The following UVRAG variants were observed in gnomAD, a reference collection of about 807,000 sequenced individuals.
UVRAG encodes UV radiation resistance associated, also known as UV radiation resistance-associated gene protein.
A neutral mutation model predicts 78.0 loss-of-function variants in UVRAG; 19 were observed. That is an observed-to-expected ratio of 0.24 (90% CI 0.17 to 0.36). The LOEUF (loss-of-function observed/expected upper bound fraction) is 0.36, where lower values mean the gene tolerates loss of function less well. Ranked by LOEUF, UVRAG falls within the 10% of genes least tolerant of loss-of-function variation. UVRAG has a pLI of 1.00. For missense variants in UVRAG, 740 were observed against 853.8 expected (o/e 0.87, Z 1.66); for synonymous variants, 323 against 324.6 (o/e 1.00, Z 0.05).
At chr11:76,137,741 A>G (rs1565176225) in intron 14 of UVRAG, 1 of 310,042 alleles carries the variant, frequency 3.2e-6, no homozygotes, top group Non-Finnish European at 6.3e-6. Context: ...TCTAAAAAAA[A>G]ATTAAAAATA....
rs148924228 is a variant in UVRAG at position 75,973,824 on chromosome 11, C to A, written c.700-9563C>A. ...TGAGGTGTTTGGTTTTCTGTCCTTG[C>A]GATAGTTTGCTCAGAATGATGGTTT... On this transcript the variant is annotated intron_variant, in intron 7 of 14. Coordinates refer to ENST00000356136, the MANE Select transcript of UVRAG (RefSeq NM_003369.4). Among the ~76,000 whole-genome samples the A allele has an allele frequency of 1.4e-4, 21 of 152,272 alleles. No homozygotes were observed. The East Asian group carries it at 1.7e-3, about 13-fold the overall frequency.
chr11:76,114,366 C>T (rs1230346471), intron 13 of UVRAG, among the ~76,000 whole-genome samples: 2 of 152,124 alleles, frequency 1.3e-5, no homozygotes, highest in Non-Finnish European at 2.9e-5. Flanking sequence ...CTTCTGCTTT[C>T]TCAAGTATTG....
chr11:76,054,589 T>TC (rs1469265106), intron 12 of UVRAG, among the ~76,000 whole-genome samples: 2 of 152,238 alleles, frequency 1.3e-5, no homozygotes, highest in African/African-American at 4.8e-5. Flanking sequence ...TGCCTTCACT[T>TC]CCTTGAATGT....
At chr11:76,107,977 C>CCGAAATTTGACTA (rs1186647198) in intron 13 of UVRAG, among the ~76,000 whole-genome samples, 2 of 152,188 alleles carry the variant, frequency 1.3e-5, no homozygotes, top group African/African-American at 4.8e-5. Flanking sequence ...TTCCTCCACA[C>CCGAAATTTGACTA]CATTTCTTTG....
intron 13 of UVRAG, among the ~76,000 whole-genome samples, chr11:76,106,960 G>C (rs1951983510): frequency 6.6e-6 from 1 of 151,998 alleles, no homozygotes; most frequent in Admixed American, 6.6e-5. Context: ...GATTGCAGTT[G>C]CATCCAAGGT....
chr11:75,947,584 G>A (rs1591050761), intron 6 of UVRAG, among the ~76,000 whole-genome samples: 1 of 152,166 alleles, frequency 6.6e-6, no homozygotes, highest in Non-Finnish European at 1.5e-5. Flanking sequence ...TAAATAATGT[G>A]TCTGTGAAAA....
chr11:75,908,872 G>A (rs1480400908), intron 5 of UVRAG, among the ~76,000 whole-genome samples: 1 of 151,722 alleles, frequency 6.6e-6, no homozygotes, highest in Admixed American at 6.6e-5. Flanking sequence ...AGTCATTTTG[G>A]TAGTTTGGTA....
At chr11:76,010,736 A>G (rs148093367) in intron 11 of UVRAG, among the ~76,000 whole-genome samples, 334 of 152,320 alleles carry the variant, frequency 2.2e-3, no homozygotes, top group African/African-American at 7.6e-3. Context: ...CTCAATAAAT[A>G]TAATTGGAAT....
rs961931083 is a variant in UVRAG at position 75,815,217 on chromosome 11, T to A, written c.-191T>A. 2.3e-6 allele frequency: 1 copy of A among 432,964 alleles called. No homozygotes were observed. The highest frequency in any genetic ancestry group is 2.1e-5 in the African/African-American group (1 of 48,562). The allele number at this position is 432,964 out of a possible 1,614,324, so 26.8% of individuals were successfully genotyped here. A position where few individuals can be genotyped will look rare whatever the true frequency, so the allele number is the denominator to read the frequency against. ...GTGGAGGGGTTGCACTGCGGTAATA[T>A]GGCTCTTCCTTAGCCAGCGGCGGCA... is the stretch of plus-strand genomic sequence containing the variant. On this transcript the variant is annotated 5_prime_UTR_variant, in exon 1 of 15. It removes an upstream start codon present in the reference 5' UTR. Coordinates refer to ENST00000356136, the MANE Select transcript of UVRAG (RefSeq NM_003369.4).
In UVRAG at chr11:76,115,872, G is replaced by A. The variant is rs763422078; in HGVS notation, c.1306-52G>A. 4.1e-5 allele frequency: 64 copies of A among 1,551,716 alleles called. 1 individual carries two copies. In the South Asian group the frequency reaches 5.3e-4, roughly 13 times the overall value. ...AACTTGTTTAGTGGTTCATTTTTCC[G>A]AAGCTTATAATCTGCCAAAATATCT... is the stretch of plus-strand genomic sequence containing the variant. On this transcript the variant is annotated intron_variant, in intron 13 of 14. Transcript: ENST00000356136.
intron 6 of UVRAG, among the ~76,000 whole-genome samples, chr11:75,953,031 G>A (rs781514667): frequency 6.6e-5 from 10 of 151,962 alleles, no homozygotes; most frequent in Non-Finnish European, 1.5e-4. Context: ...GAATTTATTG[G>A]CATACAGTTG....
chr11:75,829,291 A>T (rs1338573095), intron 1 of UVRAG, among the ~76,000 whole-genome samples: 1 of 152,172 alleles, frequency 6.6e-6, no homozygotes, highest in Non-Finnish European at 1.5e-5. Context: ...AATATTATAC[A>T]ACTACCCAAA....
chr11:75,930,934 T>TCTTTCTTTCTTG lies in UVRAG; in HGVS notation c.593+18906_593+18907insGCTTTCTTTCTT, dbSNP rs1491343065. On this transcript the variant is annotated intron_variant, in intron 6 of 14. Coordinates refer to ENST00000356136, the MANE Select transcript of UVRAG (RefSeq NM_003369.4). ...AAAGGTAAAGTGTCGGGATTTTCTT[T>TCTTTCTTTCTTG]CTTTCTTTCTTTCTTTCTTTCTTTC... 6 of 131,246 alleles carry TCTTTCTTTCTTG rather than the reference T, an allele frequency of 4.6e-5. 1 individual carries two copies. The highest frequency in any genetic ancestry group is 1.9e-4 in the African/African-American group (6 of 31,508). The allele number at this position is 131,246 out of a possible 1,614,324, so 8.1% of individuals were successfully genotyped here. A position where few individuals can be genotyped will look rare whatever the true frequency, so the allele number is the denominator to read the frequency against.
chr11:75,902,410 G>A (rs2134992194), intron 5 of UVRAG, among the ~76,000 whole-genome samples: 1 of 152,300 alleles, frequency 6.6e-6, no homozygotes, highest in African/African-American at 2.4e-5. Flanking sequence ...AAAATCTAAT[G>A]CCCACGCTGA....
chr11:75,906,115 C>T (rs1250098680), intron 5 of UVRAG, among the ~76,000 whole-genome samples: 1 of 152,114 alleles, frequency 6.6e-6, no homozygotes, highest in African/African-American at 2.4e-5. Context: ...GTCAGATATA[C>T]AATTTGTAAA....
chr11:76,012,914 T>C (rs1290945883), intron 11 of UVRAG: 1 of 151,948 alleles, frequency 6.6e-6, no homozygotes, highest in Non-Finnish European at 1.5e-5. Context: ...TGTGTCTGTA[T>C]CCCTTTATGC....
chr11:75,923,332 T>C (rs1320259334), intron 6 of UVRAG, among the ~76,000 whole-genome samples: 1 of 152,150 alleles, frequency 6.6e-6, no homozygotes, highest in Non-Finnish European at 1.5e-5. Context: ...TAAGCAAGAT[T>C]AGTTTTTAGC....
intron 6 of UVRAG, among the ~76,000 whole-genome samples, chr11:75,928,662 G>A (rs1242197498): frequency 5.3e-5 from 8 of 151,852 alleles, no homozygotes; most frequent in South Asian, 2.1e-4. Flanking sequence ...AAGCTGGGCC[G>A]GGTGCGGTGG....
intron 1 of UVRAG, among the ~76,000 whole-genome samples, chr11:75,816,621 T>TA (rs1241252858): frequency 6.6e-6 from 1 of 152,356 alleles, no homozygotes; most frequent in East Asian, 1.9e-4. Flanking sequence ...GCCTTCCAGT[T>TA]AGTAAGTGGT....
Sources: gnomAD v4.1 joint callset for allele counts (sites outside exome capture counted in the v4.1 genomes callset) on GRCh38, gnomAD v4.1.1 for gene constraint, MANE v1.5 for transcripts, NCBI Gene and HGNC (gene_info 2026-07-23, HGNC 2026-07-21) for gene names.